ADAMTSL1: variants seen among roughly 807,000 people sequenced by gnomAD.
ADAMTSL1 encodes the protein ADAMTS like 1, also known as ADAMTS-like protein 1.
Under a neutral mutation model 201.8 loss-of-function variants are expected in ADAMTSL1, and 126 were observed. The observed-to-expected ratio is 0.62, with a 90% CI of 0.54 to 0.72. The LOEUF (loss-of-function observed/expected upper bound fraction) is 0.72, where lower values mean the gene tolerates loss of function less well. Among genes scored for constraint, ADAMTSL1 ranks in the 30% least tolerant of loss-of-function variants. The pLI is 0.00. For missense variants in ADAMTSL1, 2,679 were observed against 2,277.8 expected (o/e 1.18, Z -3.59); for synonymous variants, 1,121 against 903.4 (o/e 1.24, Z -4.32).
intron 4 of ADAMTSL1, among the ~76,000 whole-genome samples, chr9:18,607,211 T>C (rs1436293249): frequency 6.6e-6 from 1 of 152,198 alleles, no homozygotes; most frequent in East Asian, 1.9e-4. Flanking sequence ...TCCCAGCCTG[T>C]GATTCACTGG....
chr9:18,310,480 A>G (rs1563877205), intron 2 of ADAMTSL1, among the ~76,000 whole-genome samples: 1 of 151,734 alleles, frequency 6.6e-6, no homozygotes, highest in Non-Finnish European at 1.5e-5. Context: ...ACTAATATCC[A>G]GAATCTATAA....
intron 2 of ADAMTSL1, among the ~76,000 whole-genome samples, chr9:18,238,028 C>T (rs1324924919): frequency 1.3e-5 from 2 of 152,178 alleles, no homozygotes; most frequent in African/African-American, 4.8e-5. Flanking sequence ...CAATGACTTT[C>T]CCTGAAGAAC....
At chr9:18,242,121 A>T (rs1181682899) in intron 2 of ADAMTSL1, among the ~76,000 whole-genome samples, 4 of 152,260 alleles carry the variant, frequency 2.6e-5, no homozygotes, top group African/African-American at 9.6e-5. Context: ...ATAAAATATT[A>T]GCAAACTAAA....
Position 18,777,067 on chromosome 9 carries a change from C to T in ADAMTSL1, c.2838C>T (p.Thr946=), listed in dbSNP as rs776536195. 5.0e-6 allele frequency: 8 copies of T among 1,613,362 alleles called. No homozygotes were observed. Among genetic ancestry groups the T allele is most frequent in the South Asian group, 1.1e-5 (1 of 91,068 alleles). ...RLKPSDAGVY[T]CSAGPAREHF... Reference sequence around the variant, plus strand: ...AGCCCTCGGATGCAGGCGTCTACACCTGCTCAGCGGGCCCGGCCCGGGAGC... The same window carrying T: ...AGCCCTCGGATGCAGGCGTCTACACTTGCTCAGCGGGCCCGGCCCGGGAGC... The change falls in exon 19 of 29, where the codon ACC becomes ACT. Residue 946 remains threonine (T), a synonymous_variant. Coordinates refer to ENST00000380548, the MANE Select transcript of ADAMTSL1 (RefSeq NM_001040272.6).
chr9:18,554,801 C>T (rs1821008127), intron 3 of ADAMTSL1, among the ~76,000 whole-genome samples: 1 of 151,184 alleles, frequency 6.6e-6, no homozygotes, highest in Non-Finnish European at 1.5e-5. Context: ...ACCACATGTA[C>T]AGTCTCCCCC....
intron 1 of ADAMTSL1, among the ~76,000 whole-genome samples, chr9:18,021,327 A>G (rs1003508896): frequency 1.3e-5 from 2 of 152,150 alleles, no homozygotes; most frequent in African/African-American, 4.8e-5. Flanking sequence ...TGTGGTTTGT[A>G]ACAAATCATT....
chr9:18,114,764 T>G (rs540453034), intron 1 of ADAMTSL1, among the ~76,000 whole-genome samples: 37 of 151,898 alleles, frequency 2.4e-4, no homozygotes, highest in Non-Finnish European at 4.9e-4. Context: ...AAGCTTAGAG[T>G]GTAAGTGGAA....
intron 2 of ADAMTSL1, among the ~76,000 whole-genome samples, chr9:18,436,776 T>A (rs1197057061): frequency 6.6e-6 from 1 of 152,336 alleles, no homozygotes; most frequent in Non-Finnish European, 1.5e-5. Flanking sequence ...TCAGCCATCA[T>A]CATGGAATCC....
chr9:18,734,029 A>C (rs190079810), intron 15 of ADAMTSL1, among the ~76,000 whole-genome samples: 6 of 152,166 alleles, frequency 3.9e-5, no homozygotes, highest in South Asian at 2.1e-4. Flanking sequence ...GCATGGGCTT[A>C]TAAGTCCCGT....
chr9:18,052,551 C>T (rs1586952430), intron 1 of ADAMTSL1, among the ~76,000 whole-genome samples: 1 of 152,152 alleles, frequency 6.6e-6, no homozygotes, highest in Non-Finnish European at 1.5e-5. Context: ...CTTTGCTTGG[C>T]AGCTCTGTGC....
At chr9:18,876,880 C>G (rs1045478455) in intron 23 of ADAMTSL1, among the ~76,000 whole-genome samples, 11 of 152,202 alleles carry the variant, frequency 7.2e-5, no homozygotes, top group African/African-American at 1.2e-4. Context: ...TCCTTGGGAA[C>G]ATCAATTATT....
intron 2 of ADAMTSL1, among the ~76,000 whole-genome samples, chr9:18,316,925 C>G (rs1193848251): frequency 2.0e-5 from 3 of 152,306 alleles, no homozygotes; most frequent in African/African-American, 7.2e-5. Flanking sequence ...GATATCTACA[C>G]CTCCATATTT....
rs1199731561 is a variant in ADAMTSL1 at position 18,702,780 on chromosome 9, C to G, written c.1575-3967C>G. The stretch of plus-strand genomic sequence containing the variant: ...TAACAAAAAGAGTTTTTTTTTTTTT[C>G]AAGCCGGAGTCTCACTCTGTCACCC... On this transcript the variant is annotated intron_variant, in intron 13 of 28. Transcript: ENST00000380548. Among the ~76,000 whole-genome samples, 20 of 147,700 alleles carry G rather than the reference C, an allele frequency of 1.4e-4. No homozygotes were observed. In the East Asian group the frequency reaches 3.8e-3, roughly 28 times the overall value.
intron 1 of ADAMTSL1, among the ~76,000 whole-genome samples, chr9:18,062,328 G>A (rs1822493845): frequency 6.6e-6 from 1 of 152,092 alleles, no homozygotes; most frequent in Non-Finnish European, 1.5e-5. Flanking sequence ...TGAGTTAAAA[G>A]TATTGAGTTA....
chr9:18,635,722 A>G (rs1827067753), intron 5 of ADAMTSL1, among the ~76,000 whole-genome samples: 1 of 152,186 alleles, frequency 6.6e-6, no homozygotes. Flanking sequence ...TATTTTTTAA[A>G]AGGCCAAATC....
At chr9:18,568,059 T>G (rs1822050204) in intron 3 of ADAMTSL1, among the ~76,000 whole-genome samples, 1 of 152,168 alleles carries the variant, frequency 6.6e-6, no homozygotes, top group Non-Finnish European at 1.5e-5. Context: ...TATTGTACTG[T>G]GCTCACCTGT....
chr9:18,803,787 C>T (rs1402912239), intron 20 of ADAMTSL1, among the ~76,000 whole-genome samples: 1 of 152,052 alleles, frequency 6.6e-6, no homozygotes, highest in Non-Finnish European at 1.5e-5. Flanking sequence ...ACCAATACCC[C>T]CTGGTTTGTA....
intron 1 of ADAMTSL1, among the ~76,000 whole-genome samples, chr9:18,093,004 C>T (rs1418778132): frequency 1.3e-5 from 2 of 152,124 alleles, no homozygotes; most frequent in African/African-American, 2.4e-5. Context: ...TGTTTTGCAG[C>T]TGTGCCATAT....
chr9:18,823,167 T>A (rs1397127515), intron 21 of ADAMTSL1, among the ~76,000 whole-genome samples: 2 of 152,266 alleles, frequency 1.3e-5, no homozygotes, highest in Admixed American at 1.3e-4. Flanking sequence ...GGCAAACTCA[T>A]AATGCAGATC....
Sources: allele counts gnomAD v4.1 joint callset (sites outside exome capture counted in the v4.1 genomes callset), GRCh38; gene constraint gnomAD v4.1.1; transcripts MANE v1.5; gene names NCBI Gene and HGNC (gene_info 2026-07-23, HGNC 2026-07-21).